ANO6: variants seen among roughly 807,000 people sequenced by gnomAD.
ANO6 encodes anoctamin-6.
In ANO6, 106 loss-of-function variants were observed where a neutral mutation model predicts 117.5. That is an observed-to-expected ratio of 0.90 (90% CI 0.77 to 1.06). ANO6 has a LOEUF of 1.06. Ranked by LOEUF, ANO6 falls within the 50% of genes least tolerant of loss-of-function variation. ANO6 has a pLI of 0.00. For synonymous variants in ANO6, 367 were observed against 385.1 expected, an observed-to-expected ratio of 0.95 and a Z score of 0.55; for missense variants, 955 against 1,121.1, an observed-to-expected ratio of 0.85 and a Z score of 2.12.
At chr12:45,275,688 A>C (rs541504648) in intron 1 of ANO6, among the ~76,000 whole-genome samples, 3 of 152,118 alleles carry the variant, frequency 2.0e-5, no homozygotes, top group Non-Finnish European at 4.4e-5. Context: ...ATACGTTTCT[A>C]TCTTACTGGA....
chr12:45,387,215 A>G (rs1041295775), intron 10 of ANO6, among the ~76,000 whole-genome samples: 4 of 152,164 alleles, frequency 2.6e-5, no homozygotes, highest in African/African-American at 9.7e-5. Context: ...TTACCCTGAA[A>G]CTGCATTTTT....
intron 1 of ANO6, among the ~76,000 whole-genome samples, chr12:45,289,707 T>G (rs1005715883): frequency 6.6e-6 from 1 of 152,208 alleles, no homozygotes; most frequent in East Asian, 1.9e-4. Context: ...AAATACTAAT[T>G]TGGTAAATAC....
rs1038021624 is a variant in ANO6, at chr12:45,405,911, G to GA, written c.1880+2385dup. Among the ~76,000 whole-genome samples the GA allele has an allele frequency of 2.0e-4, 30 of 147,190 alleles. No homozygotes were observed. The East Asian group carries it at 3.2e-3, about 16-fold the overall frequency. On this transcript the variant is annotated intron_variant, in intron 15 of 19. Transcript: ENST00000320560. ...AACAAGAGCGAAACTCCATCTCGAAGAAAAAAAAAAGATATATCAGTTATC... is the reference window on the plus strand; with the variant it reads ...AACAAGAGCGAAACTCCATCTCGAAGAAAAAAAAAAAGATATATCAGTTATC...
chr12:45,242,740 C>T (rs1947765904), intron 1 of ANO6, among the ~76,000 whole-genome samples: 3 of 152,182 alleles, frequency 2.0e-5, no homozygotes, highest in Admixed American at 2.0e-4. Context: ...TTTATTTACT[C>T]TCACATATAA....
chr12:45,376,746 A>C (rs1942033644), intron 9 of ANO6, among the ~76,000 whole-genome samples: 1 of 151,552 alleles, frequency 6.6e-6, no homozygotes, highest in Non-Finnish European at 1.5e-5. Flanking sequence ...AGGTATACCT[A>C]ATGCTAGATG....
chr12:45,342,522 C>T (rs1179411232), intron 3 of ANO6, among the ~76,000 whole-genome samples: 2 of 152,056 alleles, frequency 1.3e-5, no homozygotes, highest in Non-Finnish European at 2.9e-5. Context: ...AATTAAACTG[C>T]ATCTCTCTTT....
At chr12:45,403,367 A>G (rs1369957150) in intron 14 of ANO6, 72 bp from the exon 15 acceptor site, 1 of 1,533,440 alleles carries the variant, frequency 6.5e-7, no homozygotes, top group East Asian at 2.3e-5. Context: ...CAAATGTCAG[A>G]AAAATAGAAT....
In ANO6 at chr12:45,342,383, G is replaced by A. The variant is rs969365555; in HGVS notation, c.280-4639G>A. Among the ~76,000 whole-genome samples, 4 of 152,306 alleles carry A rather than the reference G, an allele frequency of 2.6e-5. No individual in the cohort carries two copies. The East Asian group carries it at 7.7e-4, about 29-fold the overall frequency. On this transcript the variant is annotated intron_variant, in intron 3 of 19. Transcript: ENST00000320560. ...TTTGACAGAACTGCCCTCGTGTGGG[G>A]CTGGCTCATTCTGGGCTGTCTAAGC...
rs1463536581 is a variant in ANO6 at position 45,246,318 on chromosome 12, G to A, written c.70+29927G>A. On this transcript the variant is annotated intron_variant, in intron 1 of 19. Transcript: ENST00000320560. ...GAAACTTGGTGAAAGTTTATCTTGC[G>A]GTTTTTGGTTTTCTTGCACTTCCCA... 5.9e-5 allele frequency among the ~76,000 whole-genome samples: 9 copies of A among 152,276 alleles called. No individual in the cohort carries two copies. In the South Asian group the frequency reaches 6.2e-4, roughly 11 times the overall value.
At chr12:45,260,028 A>G (rs1203167312) in intron 1 of ANO6, among the ~76,000 whole-genome samples, 3 of 152,224 alleles carry the variant, frequency 2.0e-5, no homozygotes, top group African/African-American at 7.2e-5. Flanking sequence ...TGCAGCTGTA[A>G]TAACCTTGTA....
intron 8 of ANO6, among the ~76,000 whole-genome samples, chr12:45,365,956 G>T (rs1252170769): frequency 2.0e-5 from 3 of 152,102 alleles, no homozygotes; most frequent in Non-Finnish European, 4.4e-5. Context: ...GGTTTTCCAA[G>T]ATCTTTACTC....
rs1939732065 is a variant in ANO6 at position 45,308,065 on chromosome 12, T to TTTTTTTTTTTTTTTTTTTC, written c.150+5979_150+5980insTTTTTTTTTTTCTTTTTTT. Among the ~76,000 whole-genome samples the TTTTTTTTTTTTTTTTTTTC allele has an allele frequency of 1.5e-5, 2 of 134,410 alleles. 1 individual carries two copies. The highest frequency in any genetic ancestry group is 3.2e-5 in the Non-Finnish European group (2 of 62,334). 88.2% of individuals were successfully genotyped at this position (134,410 alleles called of 152,430 possible). ...TGTGTGTAATTTTTTTTTTTTTTTT[T>TTTTTTTTTTTTTTTTTTTC]TTTTTTTGCCAAGCAAGAACACAGA... is the stretch of plus-strand genomic sequence containing the variant. On this transcript the variant is annotated intron_variant, in intron 2 of 19. Transcript: ENST00000320560.
In ANO6 at chr12:45,422,576, CTT is replaced by C. The variant is rs35726842; in HGVS notation, c.2421-366_2421-365del. Reference sequence around the variant, plus strand: ...TAAAAGAGCATTGAATCAAATATGACTTTTTTTTTTTTTTTTGAGACAGCGTC... The same window carrying C: ...TAAAAGAGCATTGAATCAAATATGACTTTTTTTTTTTTTTGAGACAGCGTC... On this transcript the variant is annotated intron_variant, in intron 18 of 19. Coordinates refer to ENST00000320560, the MANE Select transcript of ANO6 (RefSeq NM_001025356.3). Among the ~76,000 whole-genome samples the C allele has an allele frequency of 2.6e-3, 368 of 140,350 alleles. 4 individuals carry two copies. Among genetic ancestry groups the C allele is most frequent in the Non-Finnish European group, 9.4e-4 (60 of 64,010 alleles). The allele number at this position is 140,350 out of a possible 152,430, so 92.1% of individuals were successfully genotyped here. A position where few individuals can be genotyped will look rare whatever the true frequency, so the allele number is the denominator to read the frequency against.
At chr12:45,421,362 A>T (rs1375836072) in intron 18 of ANO6, 89 bp downstream of exon 18, 8 of 1,347,312 alleles carry the variant, frequency 5.9e-6, no homozygotes, top group Non-Finnish European at 8.3e-6. Context: ...CATTTTTAAA[A>T]TTTTTATTTC....
In ANO6 at chr12:45,401,785, G is replaced by A; in HGVS notation, c.1387-10G>A. 1 of 1,608,762 alleles carries A rather than the reference G, an allele frequency of 6.2e-7. No individual in the cohort carries two copies. Among genetic ancestry groups the A allele is most frequent in the Non-Finnish European group, 8.5e-7 (1 of 1,176,068 alleles). ...TGAGTCTCATGCTACTGTGTTTGTT[G>A]TGCTTTCAGATCCTATTGATCATCG... On this transcript the variant is annotated splice_polypyrimidine_tract_variant and intron_variant, in intron 12 of 19. Coordinates refer to ENST00000320560, the MANE Select transcript of ANO6 (RefSeq NM_001025356.3).
chr12:45,375,063 T>G (rs371935527), intron 9 of ANO6, among the ~76,000 whole-genome samples: 3 of 151,652 alleles, frequency 2.0e-5, no homozygotes, highest in African/African-American at 4.8e-5. Flanking sequence ...ACCAACAACA[T>G]ACAAACAGAG....
intron 10 of ANO6, among the ~76,000 whole-genome samples, chr12:45,384,221 T>C (rs963092246): frequency 1.3e-5 from 2 of 152,226 alleles, no homozygotes; most frequent in African/African-American, 2.4e-5. Context: ...GGTTCTGGCC[T>C]TGCTCTGAAT....
chr12:45,348,361 C>A (rs1941197308), intron 5 of ANO6, 46 bp downstream of exon 5: 1 of 1,612,014 alleles, frequency 6.2e-7, no homozygotes, highest in Non-Finnish European at 8.5e-7. Flanking sequence ...TAATTTGGAA[C>A]CTGCTGTTTT....
intron 9 of ANO6, among the ~76,000 whole-genome samples, chr12:45,375,050 T>C (rs1437360995): frequency 6.6e-6 from 1 of 151,880 alleles, no homozygotes; most frequent in Admixed American, 6.6e-5. Context: ...AGCATTCTTA[T>C]ACACCAACAA....
Sources: gnomAD v4.1 joint callset for allele counts (sites outside exome capture counted in the v4.1 genomes callset) on GRCh38, gnomAD v4.1.1 for gene constraint, MANE v1.5 for transcripts, NCBI Gene and HGNC (gene_info 2026-07-23, HGNC 2026-07-21) for gene names.